SORT1: variants seen among roughly 807,000 people sequenced by gnomAD.
SORT1 encodes the protein sortilin 1.
A neutral mutation model predicts 101.7 loss-of-function variants in SORT1; 39 were observed. The observed-to-expected ratio is 0.38, with a 90% confidence interval of 0.30 to 0.50. SORT1 has a LOEUF of 0.50. Ranked by LOEUF, SORT1 falls within the 20% of genes least tolerant of loss-of-function variation. SORT1 has a pLI of 0.90. For missense variants in SORT1, 878 were observed against 1,040.4 expected (o/e 0.84, Z 2.15); for synonymous variants, 396 against 393.7 (o/e 1.01, Z -0.07).
At chr1:109,332,692 CA>C (rs748542103) in intron 11 of SORT1, among the ~76,000 whole-genome samples, 87 of 152,284 alleles carry the variant, frequency 5.7e-4, no homozygotes, top group Non-Finnish European at 6.3e-4. Flanking sequence ...CTGGGGGTAT[CA>C]TGCTACCTAA....
chr1:109,323,211 G>C lies in SORT1; in HGVS notation c.1835-90C>G, dbSNP rs72646576. 1.4e-3 allele frequency: 1,245 copies of C among 858,742 alleles called. 6 individuals carry two copies. Among genetic ancestry groups the C allele is most frequent in the Non-Finnish European group, 1.3e-3 (693 of 538,578 alleles). 53.2% of individuals were successfully genotyped at this position (858,742 alleles called of 1,614,324 possible). A position where few individuals can be genotyped will look rare whatever the true frequency, so the allele number is the denominator to read the frequency against. On this transcript the variant is annotated intron_variant, in intron 14 of 19. Transcript: ENST00000256637. ...CCAGGCTATAGGAAGAACAAGGAGA[G>C]GGAAAGTGGGAATGTCTGACTCAAC...
chr1:109,347,276 T>C lies in SORT1; in HGVS notation c.832+207A>G, dbSNP rs186211425. 5.9e-5 allele frequency among the ~76,000 whole-genome samples: 9 copies of C among 152,366 alleles called. No homozygotes were observed. In the East Asian group the frequency reaches 1.7e-3, roughly 29 times the overall value. ...CATTGCTAAGATTAAATATTGCCTC[T>C]ACGTATAGCCTATATTTTTACTTGA... is the stretch of plus-strand genomic sequence containing the variant. On this transcript the variant is annotated intron_variant, in intron 7 of 19. Transcript: ENST00000256637.
chr1:109,320,987 T>A (rs1010653981), intron 15 of SORT1, among the ~76,000 whole-genome samples: 3 of 152,188 alleles, frequency 2.0e-5, no homozygotes, highest in African/African-American at 7.2e-5. Flanking sequence ...ATGTGGGCTC[T>A]GGAGTTGGGA....
chr1:109,325,003 C>G lies in SORT1; in HGVS notation c.1730G>C (p.Gly577Ala). 1 of 1,611,958 alleles carries G rather than the reference C, an allele frequency of 6.2e-7. No individual in the cohort carries two copies. The highest frequency in any genetic ancestry group is 8.5e-7 in the Non-Finnish European group (1 of 1,178,040). The part of the protein sequence containing the change: ...IYFTGLASEP[G>A]ARSMNISIWG... ...AATGCTGATATTCATGGACCTAGCT[C>G]CAGGTTCTGAAGCTAGGCCAGTGAA... Residue 577 changes from glycine to alanine, a missense_variant, in exon 14 of 20, where the codon GGA (glycine) becomes GCA (alanine). Physicochemically the swap from Gly to Ala is moderately conservative, Grantham distance 60. This residue lies in a region of SORT1 where 684 missense variants were observed against 894.5 expected (regional missense o/e 0.76). Coordinates refer to ENST00000256637, the MANE Select transcript of SORT1 (RefSeq NM_002959.7).
At chr1:109,397,556 C>T in intron 1 of SORT1, 31 bp downstream of exon 1, 1 of 1,150,780 alleles carries the variant, frequency 8.7e-7, no homozygotes, top group Non-Finnish European at 1.1e-6. Context: ...ACCTCGCACC[C>T]GAGCGGCTCC....
intron 1 of SORT1, 105 bp downstream of exon 1, chr1:109,397,482 G>A (rs1252504435): frequency 1.3e-6 from 1 of 781,488 alleles, no homozygotes; most frequent in African/African-American, 1.9e-5. Flanking sequence ...ACGCGGGCGC[G>A]GCAGGGCTGG....
Position 109,361,176 on chromosome 1 carries a change from C to T in SORT1, c.441-5707G>A, listed in dbSNP as rs543966552. On this transcript the variant is annotated intron_variant, in intron 3 of 19. Coordinates refer to ENST00000256637, the MANE Select transcript of SORT1 (RefSeq NM_002959.7). ...ATTTCTCTTTTCCCACATTTTACTA[C>T]GAGCAGTCAGGAGGAACCAAGCTGC... Among the ~76,000 whole-genome samples, 17 of 152,314 alleles carry T rather than the reference C, an allele frequency of 1.1e-4. No homozygotes were observed. In the South Asian group the frequency reaches 2.1e-3, roughly 19 times the overall value.
chr1:109,369,852 G>C (rs1228806070), intron 1 of SORT1, among the ~76,000 whole-genome samples: 4 of 152,130 alleles, frequency 2.6e-5, no homozygotes. Context: ...TGGGGAGATG[G>C]GAGATGGGAC....
At chr1:109,367,737 C>T (rs544774985) in intron 2 of SORT1, among the ~76,000 whole-genome samples, 1 of 152,244 alleles carries the variant, frequency 6.6e-6, no homozygotes, top group Non-Finnish European at 1.5e-5. Flanking sequence ...TAAAAGAAGG[C>T]TTTAACTATT....
rs1650160001 is a variant in SORT1 at position 109,354,273 on chromosome 1, A to G, written c.708+94T>C. The G allele has an allele frequency of 1.4e-5, 13 of 905,388 alleles. 1 individual carries two copies. In the South Asian group the frequency reaches 2.4e-4, roughly 17 times the overall value. 56.1% of individuals were successfully genotyped at this position (905,388 alleles called of 1,614,324 possible). A position where few individuals can be genotyped will look rare whatever the true frequency, so the allele number is the denominator to read the frequency against. On this transcript the variant is annotated intron_variant, in intron 5 of 19. Coordinates refer to ENST00000256637, the MANE Select transcript of SORT1 (RefSeq NM_002959.7). ...CCATAAGGAGACTTGAAAGAAGTCC[A>G]ATATTAAAAGCATTTCCTAAAGGAT...
chr1:109,322,163 C>A (rs1489950587), intron 15 of SORT1, among the ~76,000 whole-genome samples: 2 of 151,538 alleles, frequency 1.3e-5, no homozygotes, highest in African/African-American at 2.4e-5. Context: ...GTCTCAAACT[C>A]CTGAGTTTAA....
At chr1:109,350,864 G>T in intron 6 of SORT1, 65 bp downstream of exon 6, 1 of 1,048,918 alleles carries the variant, frequency 9.5e-7, no homozygotes, top group South Asian at 1.3e-5. Flanking sequence ...TTATTCATGT[G>T]ATTTTTGGCA....
rs369518631 is a variant in SORT1 at position 109,355,516 on chromosome 1, A to G, written c.441-47T>C. On this transcript the variant is annotated intron_variant, in intron 3 of 19. Coordinates refer to ENST00000256637, the MANE Select transcript of SORT1 (RefSeq NM_002959.7). ...CAAATTTAGGGTGCAGTGGTCATGG[A>G]TATTACTGAGTTCCTACTCAGCTTT... The G allele has an allele frequency of 1.2e-4, 101 of 850,900 alleles. No homozygotes were observed. In the African/African-American group the frequency reaches 1.5e-3, roughly 12 times the overall value. 52.7% of individuals were successfully genotyped at this position (850,900 alleles called of 1,614,324 possible).
chr1:109,382,214 C>CA lies in SORT1; in HGVS notation c.307-12626dup, dbSNP rs201310275. Among the ~76,000 whole-genome samples the CA allele has an allele frequency of 7.1e-3, 1,076 of 152,288 alleles. 6 individuals carry two copies. The highest frequency in any genetic ancestry group is 0.02 in the Middle Eastern group (6 of 294). On this transcript the variant is annotated intron_variant, in intron 1 of 19. Transcript: ENST00000256637. ...GCAATGGCATGATCTCAGCTCACTG[C>CA]AACCTCCACCTTCTGGGTTCAAGCA...
chr1:109,352,334 A>G (rs1205731181), intron 5 of SORT1, among the ~76,000 whole-genome samples: 4 of 152,200 alleles, frequency 2.6e-5, no homozygotes, highest in Non-Finnish European at 5.9e-5. Flanking sequence ...AGGAGTAGGC[A>G]TTTAAGGGTA....
chr1:109,356,872 C>T (rs1650360379), intron 3 of SORT1, among the ~76,000 whole-genome samples: 1 of 152,206 alleles, frequency 6.6e-6, no homozygotes, highest in African/African-American at 2.4e-5. Context: ...AGCTCTCTTA[C>T]ACAATACAAA....
chr1:109,336,461 C>T (rs745626239), intron 10 of SORT1, 115 bp from the exon 11 acceptor site: 131 of 683,922 alleles, frequency 1.9e-4, no homozygotes, highest in Non-Finnish European at 3.1e-4. Context: ...GTCCGACAAG[C>T]TTGTAACACC....
intron 10 of SORT1, among the ~76,000 whole-genome samples, chr1:109,338,370 C>T (rs1648984292): frequency 6.6e-6 from 1 of 152,086 alleles, no homozygotes. Flanking sequence ...AGCCATATCT[C>T]CAGGACTTTG....
At chr1:109,389,851 T>C (rs544362972) in intron 1 of SORT1, 2 of 152,448 alleles carry the variant, frequency 1.3e-5, no homozygotes, top group African/African-American at 4.8e-5. Flanking sequence ...GGAACTCTTC[T>C]TGGCTCCCCA....
Sources: allele counts gnomAD v4.1 joint callset (sites outside exome capture counted in the v4.1 genomes callset), GRCh38; gene constraint gnomAD v4.1.1; regional missense constraint gnomAD v4.1.1; transcripts MANE v1.5; gene names NCBI Gene and HGNC (gene_info 2026-07-23, HGNC 2026-07-21).